Variants in ABHD8 observed in about 807,000 individuals in gnomAD.
The protein encoded by ABHD8 is protein ABHD8.
In ABHD8, 10 loss-of-function variants were observed where a neutral mutation model predicts 29.3. The observed-to-expected ratio is 0.34, with a 90% CI of 0.21 to 0.58. The LOEUF (loss-of-function observed/expected upper bound fraction) is 0.58. ABHD8 is among the 20% of genes least tolerant of loss of function. ABHD8 has a pLI of 0.85. For missense variants in ABHD8, 556 were observed against 615.3 expected (o/e 0.90, Z 1.02); for synonymous variants, 282 against 274.6 (o/e 1.03, Z -0.27).
At chr19:17,292,949 C>CT in intron 4 of ABHD8, 118 bp from the exon 5 acceptor site, 2 of 1,166,828 alleles carry the variant, frequency 1.7e-6, no homozygotes, top group Non-Finnish European at 2.4e-6. Flanking sequence ...CTCCTCCCAT[C>CT]TACCCTGCAT....
In ABHD8 at chr19:17,292,719, T is replaced by G. The variant is rs770079721; in HGVS notation, c.1262A>C (p.Glu421Ala). Residue 421 changes from glutamate (E) to alanine (A), a missense_variant, in exon 5 of 5, where the codon GAG becomes GCG. This residue lies in a region of ABHD8 where 270 missense variants were observed against 353.9 expected (regional missense o/e 0.76). Transcript: ENST00000247706. ...LLHEFLLWEPEPSPKALPEPL... is the reference protein window; with the variant it reads ...LLHEFLLWEPAPSPKALPEPL... ...CTCCGGTAGAGCCTTGGGCGAGGGC[T>G]CGGGCTCCCAGAGCAGGAATTCGTG... is the stretch of plus-strand genomic sequence containing the variant. 114 of 1,613,472 alleles carry G rather than the reference T, an allele frequency of 7.1e-5. No homozygotes were observed. Among genetic ancestry groups the G allele is most frequent in the Middle Eastern group, 3.3e-4 (2 of 6,082 alleles).
chr19:17,301,776 T>TG, intron 1 of ABHD8, among the ~76,000 whole-genome samples, 152 bp from the exon 2 acceptor site: 1 of 147,354 alleles, frequency 6.8e-6, no homozygotes, highest in Non-Finnish European at 1.5e-5. Context: ...ATTTTTTTGT[T>TG]TGTGTGTGTG....
chr19:17,298,753 T>G (rs2145656492), intron 2 of ABHD8, among the ~76,000 whole-genome samples: 1 of 146,192 alleles, frequency 6.8e-6, no homozygotes, highest in Non-Finnish European at 1.5e-5. Flanking sequence ...TTTTTTTTTT[T>G]TTTTTTGGGC....
chr19:17,300,212 C>CT (rs922225079), intron 2 of ABHD8, among the ~76,000 whole-genome samples: 2 of 149,946 alleles, frequency 1.3e-5, no homozygotes, highest in Admixed American at 1.3e-4. Flanking sequence ...ATTTTTTTTT[C>CT]TTTTTTAAAG....
chr19:17,296,177 G>A (rs988798427), intron 2 of ABHD8: 2 of 152,072 alleles, frequency 1.3e-5, no homozygotes, highest in Middle Eastern at 3.2e-3. Context: ...ATTTTGAAGA[G>A]AGAATCTGGA....
intron 2 of ABHD8, chr19:17,297,920 T>TG (rs2074100698): frequency 6.7e-6 from 1 of 148,492 alleles, no homozygotes; most frequent in South Asian, 2.1e-4. Flanking sequence ...CTTTTTTCTT[T>TG]TTTTTTTTTT....
intron 2 of ABHD8, among the ~76,000 whole-genome samples, chr19:17,299,547 T>C (rs1338208414): frequency 2.7e-5 from 3 of 110,538 alleles, no homozygotes; most frequent in African/African-American, 1.1e-4. Flanking sequence ...GGGGACAGAG[T>C]GAGACTCCAT....
intron 2 of ABHD8, among the ~76,000 whole-genome samples, chr19:17,298,865 C>T (rs943159847): frequency 1.3e-5 from 2 of 151,512 alleles, no homozygotes; most frequent in African/African-American, 4.9e-5. Flanking sequence ...CTCACACCCC[C>T]GAGTAGCTGG....
chr19:17,293,690 G>GT (rs56210466), intron 4 of ABHD8, among the ~76,000 whole-genome samples: 211 of 145,958 alleles, frequency 1.4e-3, no homozygotes, highest in Middle Eastern at 0.011. Flanking sequence ...AATGGTTTTT[G>GT]TTTTTTTTTT....
chr19:17,297,114 G>A (rs1180635127), intron 2 of ABHD8, among the ~76,000 whole-genome samples: 1 of 152,206 alleles, frequency 6.6e-6, no homozygotes, highest in East Asian at 1.9e-4. Context: ...CTGCTGTAAT[G>A]AGGAAAGGAT....
Position 17,294,399 on chromosome 19 carries a change from G to A in ABHD8, c.1038C>T (p.Tyr346=). 1 of 1,614,068 alleles carries A rather than the reference G, an allele frequency of 6.2e-7. No individual in the cohort carries two copies. Among genetic ancestry groups the A allele is most frequent in the Admixed American group, 1.7e-5 (1 of 60,026 alleles). Residue 346 remains tyrosine, a synonymous_variant, in exon 4 of 5, where the codon TAC becomes TAT. Transcript: ENST00000247706. The stretch of plus-strand genomic sequence containing the variant: ...GGTAGACCTCGTCGCCCTCGGGCCA[G>A]TACTGGCCGCTCATCATGGCCCGGA... ...FVLRAMMSGQ[Y]WPEGDEVYHA... is the part of the protein sequence containing the mutation.
rs2074073637 is a variant in ABHD8 at position 17,292,276 on chromosome 19, G to T, written c.*385C>A. ...GAAGGGTCTCGGATAACGGGATGGGGCCTCGAGGGTCCCTGTGGGGCTCGT... is the reference window on the plus strand; with the variant it reads ...GAAGGGTCTCGGATAACGGGATGGGTCCTCGAGGGTCCCTGTGGGGCTCGT... On this transcript the variant is annotated 3_prime_UTR_variant, in exon 5 of 5. Coordinates refer to ENST00000247706, the MANE Select transcript of ABHD8 (RefSeq NM_024527.5). 3.0e-6 allele frequency: 1 copy of T among 337,596 alleles called. No individual in the cohort carries two copies. The highest frequency in any genetic ancestry group is 2.1e-5 in the African/African-American group (1 of 47,110). 20.9% of individuals were successfully genotyped at this position (337,596 alleles called of 1,614,324 possible).
At chr19:17,299,792 G>T (rs1350827455) in intron 2 of ABHD8, among the ~76,000 whole-genome samples, 2 of 151,908 alleles carry the variant, frequency 1.3e-5, no homozygotes, top group African/African-American at 4.8e-5. Context: ...ATTTTTGTTT[G>T]CTTTGTTTTG....
intron 2 of ABHD8, among the ~76,000 whole-genome samples, chr19:17,300,303 T>C (rs2074111594): frequency 6.6e-6 from 1 of 151,246 alleles, no homozygotes; most frequent in Non-Finnish European, 1.5e-5. Flanking sequence ...CCTCCCAGAC[T>C]CAAGCAATCT....
intron 1 of ABHD8, 54 bp from the exon 2 acceptor site, chr19:17,301,678 C>T: frequency 1.4e-6 from 2 of 1,476,854 alleles, no homozygotes. Flanking sequence ...GAACCCTGCA[C>T]CGTGCAGCAG....
chr19:17,294,503 C>T lies in ABHD8; in HGVS notation c.934G>A (p.Ala312Thr), dbSNP rs1013484743. 12 of 1,613,776 alleles carry T rather than the reference C, an allele frequency of 7.4e-6. No homozygotes were observed. Among genetic ancestry groups the T allele is most frequent in the Non-Finnish European group, 1.0e-5 (12 of 1,179,996 alleles). Residue 312 changes from alanine to threonine, a missense_variant and splice_region_variant, in exon 4 of 5, where the codon GCC becomes ACC. By Grantham distance (58) the Ala-to-Thr change is moderately conservative (BLOSUM62 0). Transcript: ENST00000247706. Reference sequence around the variant, plus strand: ...TTGGCTCCTTGGCGGGCGAAGCCGGCCCTGGTGGTGGTGGAGGCACCGCTA... The same window carrying T: ...TTGGCTCCTTGGCGGGCGAAGCCGGTCCTGGTGGTGGTGGAGGCACCGCTA... The part of the protein sequence containing the change: ...SPCLAWSFLK[A>T]GFARQGAKEK...
At position 17,295,786 on chromosome 19, in the gene ABHD8, C is replaced by A. The variant is rs867147531; in HGVS notation, c.762-941G>T. Among the ~76,000 whole-genome samples the A allele has an allele frequency of 2.0e-5, 3 of 152,342 alleles. No homozygotes were observed. In the South Asian group the frequency reaches 6.2e-4, roughly 32 times the overall value. ...GCGGTGGCGTAATCATAGCTCCCTG[C>A]AGCCTTGACTTCCTGGGCTCAAGAG... On this transcript the variant is annotated intron_variant, in intron 2 of 4. Transcript: ENST00000247706.
chr19:17,301,809 T>TGTGTGTGTGTG (rs397946390), intron 1 of ABHD8, among the ~76,000 whole-genome samples, 185 bp from the exon 2 acceptor site: 1 of 149,490 alleles, frequency 6.7e-6, no homozygotes, highest in African/African-American at 2.5e-5. Flanking sequence ...TGTGTGTGTG[T>TGTGTGTGTGTG]TTTTGAGACA....
chr19:17,294,515 TG>T lies in ABHD8; in HGVS notation c.933-12del, dbSNP rs767189361. 5.0e-6 allele frequency: 8 copies of T among 1,613,430 alleles called. No individual in the cohort carries two copies. Among genetic ancestry groups the T allele is most frequent in the Non-Finnish European group, 5.9e-6 (7 of 1,179,966 alleles). On this transcript the variant is annotated splice_polypyrimidine_tract_variant and intron_variant, in intron 3 of 4. Coordinates refer to ENST00000247706, the MANE Select transcript of ABHD8 (RefSeq NM_024527.5). ...CGGGCGAAGCCGGCCCTGGTGGTGG[TG>T]GAGGCACCGCTAGAGCCCCTTATGC... is the stretch of plus-strand genomic sequence containing the variant.
Sources: allele counts gnomAD v4.1 joint callset (sites outside exome capture counted in the v4.1 genomes callset), GRCh38; gene constraint gnomAD v4.1.1; regional missense constraint gnomAD v4.1.1; transcripts MANE v1.5; gene names NCBI Gene and HGNC (gene_info 2026-07-23, HGNC 2026-07-21).